TGFB2: variants seen among roughly 807,000 people sequenced by gnomAD.
TGFB2 encodes transforming growth factor beta-2 proprotein.
Under a neutral mutation model 42.7 loss-of-function variants are expected in TGFB2, and 13 were observed. The ratio of observed to expected loss-of-function variants is 0.30; its 90% CI spans 0.20 to 0.48. The LOEUF (loss-of-function observed/expected upper bound fraction) is 0.48, where lower values mean the gene tolerates loss of function less well. TGFB2 is among the 20% of genes least tolerant of loss of function. The pLI, the probability that TGFB2 is intolerant of heterozygous loss-of-function variation, is 0.99. For synonymous variants in TGFB2, 193 were observed against 193.6 expected (o/e 1.00, Z 0.03); for missense variants, 390 against 517.5 (o/e 0.75, Z 2.39).
chr1:218,350,001 A>C (rs1445256144), intron 1 of TGFB2, among the ~76,000 whole-genome samples: 1 of 152,222 alleles, frequency 6.6e-6, no homozygotes, highest in African/African-American at 2.4e-5. Flanking sequence ...AGTTATGCTA[A>C]GGTTTACCGA....
chr1:218,395,803 A>G (rs1210195232), intron 1 of TGFB2, among the ~76,000 whole-genome samples: 1 of 151,762 alleles, frequency 6.6e-6, no homozygotes, highest in East Asian at 1.9e-4. Flanking sequence ...TTTAGTAGAG[A>G]CGGGATTTCA....
intron 1 of TGFB2, among the ~76,000 whole-genome samples, chr1:218,358,970 G>T (rs1253581532): frequency 1.3e-5 from 2 of 151,832 alleles, no homozygotes; most frequent in African/African-American, 4.8e-5. Context: ...AGGATGGGTG[G>T]TTTGGTCAAG....
chr1:218,359,446 A>G (rs1226441704), intron 1 of TGFB2, among the ~76,000 whole-genome samples: 15 of 152,262 alleles, frequency 9.9e-5, no homozygotes, highest in Non-Finnish European at 7.3e-5. Context: ...TCTTCTACGT[A>G]GAATGAGGTG....
chr1:218,421,373 G>GTTTT (rs5742078), intron 2 of TGFB2, among the ~76,000 whole-genome samples: 3 of 145,938 alleles, frequency 2.1e-5, no homozygotes, highest in African/African-American at 5.0e-5. Context: ...CCAAGAAGCA[G>GTTTT]TTTTTTTTTT....
At chr1:218,384,821 TG>T (rs1658078109) in intron 1 of TGFB2, among the ~76,000 whole-genome samples, 1 of 152,118 alleles carries the variant, frequency 6.6e-6, no homozygotes, top group African/African-American at 2.4e-5. Context: ...ACATGAAACG[TG>T]GGGGATGACT....
chr1:218,402,909 G>A (rs1658776429), intron 1 of TGFB2, among the ~76,000 whole-genome samples: 1 of 152,230 alleles, frequency 6.6e-6, no homozygotes. Flanking sequence ...GCCCCAGACT[G>A]GCCTAGGCTT....
intron 1 of TGFB2, among the ~76,000 whole-genome samples, chr1:218,386,888 G>A (rs73110353): frequency 0.039 from 5,971 of 152,168 alleles, 132 homozygotes; most frequent in African/African-American, 0.056. Flanking sequence ...AATTCTTAGA[G>A]GCAAATGCTA....
rs1373413358 is a variant in TGFB2, at chr1:218,430,103, CTT to C, written c.511-3977_511-3976del. Among the ~76,000 whole-genome samples the C allele has an allele frequency of 2.0e-5, 3 of 152,088 alleles. No individual in the cohort carries two copies. In the East Asian group the frequency reaches 5.8e-4, roughly 29 times the overall value. On this transcript the variant is annotated intron_variant, in intron 2 of 6. Coordinates refer to ENST00000366930, the MANE Select transcript of TGFB2 (RefSeq NM_003238.6). ...AGCTTCTACTATTCAACTAAATTATCTTTGTCATGATAAGATACATAAAGAGG... is the reference window on the plus strand; with the variant it reads ...AGCTTCTACTATTCAACTAAATTATCTGTCATGATAAGATACATAAAGAGG...
intron 4 of TGFB2, among the ~76,000 whole-genome samples, chr1:218,434,701 C>A (rs1659915885): frequency 6.6e-6 from 1 of 152,174 alleles, no homozygotes; most frequent in Non-Finnish European, 1.5e-5. Flanking sequence ...CTCATTAACC[C>A]TCCAGTAGTA....
At chr1:218,402,313 C>T (rs1051524203) in intron 1 of TGFB2, among the ~76,000 whole-genome samples, 1 of 152,156 alleles carries the variant, frequency 6.6e-6, no homozygotes, top group African/African-American at 2.4e-5. Context: ...CTTATAAGAG[C>T]CAGAGGGGAG....
At chr1:218,388,328 C>T (rs565792506) in intron 1 of TGFB2, among the ~76,000 whole-genome samples, 4 of 137,384 alleles carry the variant, frequency 2.9e-5, no homozygotes, top group South Asian at 2.1e-4. Context: ...TCACAGTTGG[C>T]CCCCCCACAT....
rs1318945226 is a variant in TGFB2 at position 218,444,063 on chromosome 1, A to T, written c.*2701A>T. The T allele has an allele frequency of 6.6e-6, 1 of 152,132 alleles. No homozygotes were observed. Among genetic ancestry groups the T allele is most frequent in the African/African-American group, 2.4e-5 (1 of 41,426 alleles). The allele number at this position is 152,132 out of a possible 1,614,324, so 9.4% of individuals were successfully genotyped here. A position where few individuals can be genotyped will look rare whatever the true frequency, so the allele number is the denominator to read the frequency against. ...AAAACACCTGTGATGCAATAAGACTATCTCAAGCTGGAAAAGTCATACCAC... is the reference window on the plus strand; with the variant it reads ...AAAACACCTGTGATGCAATAAGACTTTCTCAAGCTGGAAAAGTCATACCAC... On this transcript the variant is annotated 3_prime_UTR_variant, in exon 7 of 7. Transcript: ENST00000366930.
At chr1:218,409,290 C>A (rs558420577) in intron 2 of TGFB2, among the ~76,000 whole-genome samples, 1 of 152,196 alleles carries the variant, frequency 6.6e-6, no homozygotes, top group African/African-American at 2.4e-5. Flanking sequence ...ATCACAGTAA[C>A]GCTATCTCAG....
chr1:218,399,977 A>G (rs1658659522), intron 1 of TGFB2, among the ~76,000 whole-genome samples: 1 of 152,128 alleles, frequency 6.6e-6, no homozygotes, highest in Non-Finnish European at 1.5e-5. Flanking sequence ...GTAGAAAATT[A>G]TTTACTTCAT....
intron 2 of TGFB2, among the ~76,000 whole-genome samples, chr1:218,414,475 A>G (rs1659207938): frequency 2.0e-5 from 3 of 152,180 alleles, no homozygotes; most frequent in African/African-American, 7.2e-5. Flanking sequence ...AGACATACAT[A>G]GCATAGTAAC....
At chr1:218,370,260 A>G (rs1657528490) in intron 1 of TGFB2, among the ~76,000 whole-genome samples, 1 of 152,140 alleles carries the variant, frequency 6.6e-6, no homozygotes, top group Admixed American at 6.5e-5. Context: ...ATGGCCTTTG[A>G]GATTGTAGTT....
At chr1:218,367,616 T>A (rs1161955580) in intron 1 of TGFB2, among the ~76,000 whole-genome samples, 3 of 152,208 alleles carry the variant, frequency 2.0e-5, no homozygotes, top group Non-Finnish European at 4.4e-5. Flanking sequence ...GTGGTCTACA[T>A]CACTAAATAA....
chr1:218,432,513 A>T (rs1430789762), intron 2 of TGFB2, among the ~76,000 whole-genome samples: 1 of 152,232 alleles, frequency 6.6e-6, no homozygotes, highest in Non-Finnish European at 1.5e-5. Context: ...CATTATGGCA[A>T]GTATTTTAGG....
intron 1 of TGFB2, among the ~76,000 whole-genome samples, chr1:218,384,314 G>A (rs574204861): frequency 3.2e-4 from 48 of 152,086 alleles, no homozygotes; most frequent in African/African-American, 1.1e-3. Context: ...TGGAAAAAGC[G>A]TTAGCAGGTA....
Sources: gnomAD v4.1 joint callset for allele counts (sites outside exome capture counted in the v4.1 genomes callset) on GRCh38, gnomAD v4.1.1 for gene constraint, MANE v1.5 for transcripts, NCBI Gene and HGNC (gene_info 2026-07-23, HGNC 2026-07-21) for gene names.